DLGAP2: variants seen among roughly 807,000 people sequenced by gnomAD.
DLGAP2 encodes DLG associated protein 2.
A neutral mutation model predicts 100.3 loss-of-function variants in DLGAP2; 26 were observed. The observed-to-expected ratio is 0.26, with a 90% CI of 0.19 to 0.36. The LOEUF is 0.36. Among genes scored for constraint, DLGAP2 ranks in the 10% least tolerant of loss-of-function variants. DLGAP2 has a pLI of 1.00. For synonymous variants in DLGAP2, 886 were observed against 630.1 expected (o/e 1.41, Z -6.08); for missense variants, 1,858 against 1,453.2 (o/e 1.28, Z -4.53).
intron 2 of DLGAP2, among the ~76,000 whole-genome samples, chr8:1,184,813 G>C (rs756076101): frequency 1.3e-5 from 2 of 152,202 alleles, no homozygotes; most frequent in Non-Finnish European, 2.9e-5. Context: ...CCTGGGCTAA[G>C]TGCTCTGCGC....
chr8:918,997 G>C (rs1798652279), intron 2 of DLGAP2, among the ~76,000 whole-genome samples: 1 of 152,154 alleles, frequency 6.6e-6, no homozygotes, highest in Non-Finnish European at 1.5e-5. Context: ...CTGGAGTGCA[G>C]TGGTGCGATC....
intron 2 of DLGAP2, chr8:1,032,910 T>A (rs1467207042): frequency 6.6e-6 from 1 of 152,242 alleles, no homozygotes; most frequent in African/African-American, 2.4e-5. Flanking sequence ...GTATGACAAT[T>A]AAACTATTGT....
At chr8:898,941 CG>C (rs1798197591) in intron 1 of DLGAP2, among the ~76,000 whole-genome samples, 1 of 152,222 alleles carries the variant, frequency 6.6e-6, no homozygotes, top group African/African-American at 2.4e-5. Flanking sequence ...GGGAGCTTGA[CG>C]GACAAACAGA....
chr8:1,158,455 T>C (rs888111271), intron 2 of DLGAP2, among the ~76,000 whole-genome samples: 1 of 152,264 alleles, frequency 6.6e-6, no homozygotes, highest in Non-Finnish European at 1.5e-5. Flanking sequence ...TTGCAATTAG[T>C]GTCACTATAC....
Position 1,464,303 on chromosome 8 carries a change from A to T in DLGAP2, c.107-37063A>T, listed in dbSNP as rs372831392. Among the ~76,000 whole-genome samples the T allele has an allele frequency of 3.2e-4, 13 of 41,242 alleles. 1 individual carries two copies. The highest frequency in any genetic ancestry group is 2.1e-3 in the South Asian group (2 of 944). The allele number at this position is 41,242 out of a possible 152,430, so 27.1% of individuals were successfully genotyped here. On this transcript the variant is annotated intron_variant, in intron 3 of 14. Transcript: ENST00000637795. ...CAGGACAACGCCCTTCCAGGATGGC[A>T]CCCTTCCAGGACAACGCCCTTCCAG...
chr8:1,095,014 C>T (rs983247047), intron 2 of DLGAP2, among the ~76,000 whole-genome samples: 8 of 152,132 alleles, frequency 5.3e-5, no homozygotes, highest in African/African-American at 1.9e-4. Context: ...GGACCACCTT[C>T]CCAAGGTGGA....
chr8:1,265,999 T>A (rs1799442875), intron 3 of DLGAP2, among the ~76,000 whole-genome samples: 1 of 152,154 alleles, frequency 6.6e-6, no homozygotes, highest in Admixed American at 6.5e-5. Flanking sequence ...TATAATAGAT[T>A]CAAGATATGC....
chr8:770,661 G>C (rs1025688567), intron 1 of DLGAP2, among the ~76,000 whole-genome samples: 3 of 151,988 alleles, frequency 2.0e-5, no homozygotes, highest in East Asian at 3.9e-4. Flanking sequence ...TCTCTCCTTC[G>C]TGCTGACCTC....
At chr8:1,234,939 G>A (rs1251717060) in intron 2 of DLGAP2, among the ~76,000 whole-genome samples, 1 of 151,988 alleles carries the variant, frequency 6.6e-6, no homozygotes, top group African/African-American at 2.4e-5. Context: ...AAAGCATTGT[G>A]TCTGCTTCTC....
chr8:1,691,343 C>T (rs1185495555), intron 12 of DLGAP2, among the ~76,000 whole-genome samples, 192 bp from the exon 13 acceptor site: 2 of 152,192 alleles, frequency 1.3e-5, no homozygotes, highest in African/African-American at 4.8e-5. Flanking sequence ...ATCTGGTCAT[C>T]TCTGGATTTC....
chr8:737,849 G>T, intron 1 of DLGAP2, 24 bp downstream of exon 1: 1 of 376,874 alleles, frequency 2.7e-6, no homozygotes, highest in Non-Finnish European at 4.7e-6. Flanking sequence ...GGGGCTGCCG[G>T]GAGCCGGGCG....
intron 3 of DLGAP2, among the ~76,000 whole-genome samples, chr8:1,274,436 C>G (rs1013814089): frequency 6.6e-6 from 1 of 150,558 alleles, no homozygotes; most frequent in African/African-American, 2.4e-5. Context: ...TGTTTTAGAA[C>G]ATAAACCATA....
At chr8:1,188,959 G>A (rs1585135092) in intron 2 of DLGAP2, among the ~76,000 whole-genome samples, 2 of 152,066 alleles carry the variant, frequency 1.3e-5, no homozygotes, top group South Asian at 2.1e-4. Context: ...GGTTGGGGTT[G>A]ACCGTACACA....
chr8:960,252 T>TTTTTTTTTTTTTTTTTTTTA, intron 2 of DLGAP2, among the ~76,000 whole-genome samples: 1 of 142,018 alleles, frequency 7.0e-6, no homozygotes, highest in African/African-American at 2.8e-5. Flanking sequence ...TTTTTTTTTT[T>TTTTTTTTTTTTTTTTTTTTA]CCCGAGACAC....
intron 3 of DLGAP2, among the ~76,000 whole-genome samples, chr8:1,432,049 A>T (rs530700655): frequency 1.3e-5 from 2 of 151,692 alleles, no homozygotes; most frequent in African/African-American, 4.8e-5. Context: ...ATCGGGGCTG[A>T]ACCCTGCCGG....
Position 794,952 on chromosome 8 carries a change from C to T in DLGAP2, c.18+57127C>T, listed in dbSNP as rs1374971100. The stretch of plus-strand genomic sequence containing the variant: ...GCTGCCATTTGTGTTATGCGTGTGG[C>T]TTGTCCATCCCTCCAGGTGACCTTA... On this transcript the variant is annotated intron_variant, in intron 1 of 14. Coordinates refer to ENST00000637795, the MANE Select transcript of DLGAP2 (RefSeq NM_001346810.2). Among the ~76,000 whole-genome samples the T allele has an allele frequency of 2.0e-5, 3 of 152,196 alleles. No homozygotes were observed. In the East Asian group the frequency reaches 5.8e-4, roughly 29 times the overall value.
At chr8:1,374,636 G>A (rs953253282) in intron 3 of DLGAP2, among the ~76,000 whole-genome samples, 1 of 152,162 alleles carries the variant, frequency 6.6e-6, no homozygotes, top group Non-Finnish European at 1.5e-5. Context: ...CTCAATGTAG[G>A]AGTTAAAGAT....
At chr8:1,502,877 A>C (rs1044111257) in intron 4 of DLGAP2, among the ~76,000 whole-genome samples, 9 of 152,184 alleles carry the variant, frequency 5.9e-5, no homozygotes, top group African/African-American at 2.2e-4. Context: ...TCTCTGGGGC[A>C]GCAGGAGGTA....
chr8:1,442,715 C>T (rs1465657579), intron 3 of DLGAP2, among the ~76,000 whole-genome samples: 3 of 146,432 alleles, frequency 2.0e-5, no homozygotes, highest in East Asian at 2.0e-4. Flanking sequence ...GAGACGGATC[C>T]GGGCATAGAC....
Sources: gnomAD v4.1 joint callset for allele counts (sites outside exome capture counted in the v4.1 genomes callset) on GRCh38, gnomAD v4.1.1 for gene constraint, MANE v1.5 for transcripts, NCBI Gene and HGNC (gene_info 2026-07-23, HGNC 2026-07-21) for gene names.